Variants in JAK2 observed in about 807,000 individuals in gnomAD.
The protein encoded by JAK2 is tyrosine-protein kinase JAK2.
Under a neutral mutation model 139.3 loss-of-function variants are expected in JAK2, and 86 were observed. The observed-to-expected ratio is 0.62, with a 90% CI of 0.52 to 0.74. The LOEUF is 0.74. Among genes scored for constraint, JAK2 ranks in the 30% least tolerant of loss-of-function variants. The pLI is 0.00. For missense variants in JAK2, 1,421 were observed against 1,360.3 expected (o/e 1.04, Z -0.70); for synonymous variants, 490 against 437.7 (o/e 1.12, Z -1.49).
Position 5,090,432 on chromosome 9 carries a change from CTTT to C in JAK2, c.2762-13_2762-11del. On this transcript the variant is annotated splice_polypyrimidine_tract_variant and intron_variant, in intron 20 of 24. Coordinates refer to ENST00000381652, the MANE Select transcript of JAK2 (RefSeq NM_004972.4). The stretch of plus-strand genomic sequence containing the variant: ...TGGCAGAGTAAAACATTATTTCCAC[CTTT>C]ATGTTAAAAGGTCGGCGTAATCTAA... The C allele has an allele frequency of 1.3e-6, 2 of 1,513,038 alleles. No homozygotes were observed. The highest frequency in any genetic ancestry group is 1.8e-6 in the Non-Finnish European group (2 of 1,122,954). The allele number at this position is 1,513,038 out of a possible 1,614,324, so 93.7% of individuals were successfully genotyped here. A position where few individuals can be genotyped will look rare whatever the true frequency, so the allele number is the denominator to read the frequency against.
At chr9:5,106,079 A>C (rs1020077376) in intron 22 of JAK2, among the ~76,000 whole-genome samples, 1 of 152,338 alleles carries the variant, frequency 6.6e-6, no homozygotes, top group African/African-American at 2.4e-5. Flanking sequence ...TAATTCAACT[A>C]AACAGCTGCA....
In JAK2 at chr9:5,127,250, A is replaced by AT. The variant is rs1232332510; in HGVS notation, c.*464dup. On this transcript the variant is annotated 3_prime_UTR_variant, in exon 25 of 25. Coordinates refer to ENST00000381652, the MANE Select transcript of JAK2 (RefSeq NM_004972.4). ...TGGTGTTCATTAATACTGTTTTCTA[A>AT]TTTTTCCATAGTTAATCTATAATTA... 3 of 232,320 alleles carry AT rather than the reference A, an allele frequency of 1.3e-5. No individual in the cohort carries two copies. The highest frequency in any genetic ancestry group is 6.6e-5 in the African/African-American group (3 of 45,250). 14.4% of individuals were successfully genotyped at this position (232,320 alleles called of 1,614,324 possible). A position where few individuals can be genotyped will look rare whatever the true frequency, so the allele number is the denominator to read the frequency against.
chr9:5,025,786 C>T (rs1328092158), intron 3 of JAK2, among the ~76,000 whole-genome samples: 1 of 152,082 alleles, frequency 6.6e-6, no homozygotes, highest in Non-Finnish European at 1.5e-5. Context: ...CCTGCCTCGG[C>T]CTCTCAAAGT....
chr9:5,068,903 G>A (rs904594164), intron 10 of JAK2, 119 bp from the exon 11 acceptor site: 4 of 601,072 alleles, frequency 6.7e-6, no homozygotes, highest in Admixed American at 3.1e-5. Flanking sequence ...GCACTACATC[G>A]GATTCATGGT....
At chr9:5,099,785 T>C (rs955553567) in intron 22 of JAK2, 1 of 152,236 alleles carries the variant, frequency 6.6e-6, no homozygotes, top group Non-Finnish European at 1.5e-5. Flanking sequence ...TCCCTAATTA[T>C]CTTCACTGCC....
At chr9:5,009,706 T>G (rs900342322) in intron 2 of JAK2, among the ~76,000 whole-genome samples, 3 of 152,192 alleles carry the variant, frequency 2.0e-5, no homozygotes, top group African/African-American at 7.2e-5. Context: ...ATGCTTTTTA[T>G]GTGTGTGCAG....
rs1348456242 is a variant in JAK2, at chr9:5,080,678, C to T, written c.2429C>T (p.Thr810Ile). 1.9e-6 allele frequency: 3 copies of T among 1,570,850 alleles called. No homozygotes were observed. The highest frequency in any genetic ancestry group is 1.2e-5 in the South Asian group (1 of 81,262). ...ATACGAGATCTTAACAGTTTGTTTACTCCAGGTATGTATTTGAATGATCTT... is the reference window on the plus strand; with the variant it reads ...ATACGAGATCTTAACAGTTTGTTTATTCCAGGTATGTATTTGAATGATCTT... ...AIIRDLNSLF[T>I]PDYELLTEND... Residue 810 changes from threonine to isoleucine, a missense_variant, in exon 18 of 25, where the codon ACT becomes ATT. By Grantham distance (89) the Thr-to-Ile change is moderately conservative. Coordinates refer to ENST00000381652, the MANE Select transcript of JAK2 (RefSeq NM_004972.4).
chr9:5,072,239 C>T (rs1394609971), intron 12 of JAK2, among the ~76,000 whole-genome samples: 1 of 152,092 alleles, frequency 6.6e-6, no homozygotes, highest in Non-Finnish European at 1.5e-5. Flanking sequence ...ACAATTATAG[C>T]CCATTCAGGA....
At chr9:5,024,959 A>C (rs1458707283) in intron 3 of JAK2, among the ~76,000 whole-genome samples, 1 of 152,186 alleles carries the variant, frequency 6.6e-6, no homozygotes, top group Non-Finnish European at 1.5e-5. Flanking sequence ...GGGGGAGTGG[A>C]GCCGGGGCTG....
At chr9:5,083,657 T>C (rs1819872197) in intron 19 of JAK2, among the ~76,000 whole-genome samples, 1 of 152,108 alleles carries the variant, frequency 6.6e-6, no homozygotes, top group Admixed American at 6.5e-5. Context: ...TTGTCATATA[T>C]TGTCAAAACA....
At chr9:5,073,553 A>G (rs2130553715) in intron 13 of JAK2, 145 bp from the exon 14 acceptor site, 2 of 651,366 alleles carry the variant, frequency 3.1e-6, no homozygotes, top group East Asian at 5.3e-5. Context: ...AGGTCCATAT[A>G]AAGGGACCAA....
intron 12 of JAK2, among the ~76,000 whole-genome samples, chr9:5,070,944 A>C (rs1451770025): frequency 1.3e-5 from 2 of 152,166 alleles, no homozygotes; most frequent in South Asian, 4.1e-4. Flanking sequence ...AAACCAGGAC[A>C]CTTAAGTAAA....
chr9:5,077,493 T>C lies in JAK2; in HGVS notation c.1905T>C (p.Asp635=), dbSNP rs200327782. 2.2e-6 allele frequency: 3 copies of C among 1,393,852 alleles called. No individual in the cohort carries two copies. In the Admixed American group the frequency reaches 6.9e-5, roughly 32 times the overall value. The allele number at this position is 1,393,852 out of a possible 1,614,324, so 86.3% of individuals were successfully genotyped here. A position where few individuals can be genotyped will look rare whatever the true frequency, so the allele number is the denominator to read the frequency against. Residue 635 remains aspartate (D), a synonymous_variant, in exon 15 of 25, where the codon GAT becomes GAC. Coordinates refer to ENST00000381652, the MANE Select transcript of JAK2 (RefSeq NM_004972.4). ...VQEFVKFGSL[D]TYLKKNKNCI... ...AGTTTGTAAAATTTGGATCACTAGA[T>C]ACATATCTGAAAAAGAATAAAAATT...
chr9:5,054,959 A>G lies in JAK2; in HGVS notation c.936+75A>G, dbSNP rs1817662039. ...AAATAAAAACAAAGTAATTTTAATC[A>G]TTTGCAACATGGTATTGCACTTCTC... On this transcript the variant is annotated intron_variant, in intron 7 of 24. Transcript: ENST00000381652. This position sits in a 1 kb window ranked among gnomAD's most constrained non-coding sequence, Gnocchi z 4.9. 9.0e-7 allele frequency: 1 copy of G among 1,109,172 alleles called. No individual in the cohort carries two copies. Among genetic ancestry groups the G allele is most frequent in the African/African-American group, 1.6e-5 (1 of 62,838 alleles). The allele number at this position is 1,109,172 out of a possible 1,614,324, so 68.7% of individuals were successfully genotyped here. A position where few individuals can be genotyped will look rare whatever the true frequency, so the allele number is the denominator to read the frequency against.
At chr9:4,992,237 T>C (rs1820297607) in intron 2 of JAK2, among the ~76,000 whole-genome samples, 3 of 152,312 alleles carry the variant, frequency 2.0e-5, no homozygotes, top group Middle Eastern at 3.4e-3. Flanking sequence ...ACATGTGGCC[T>C]GGATTTCCTC....
intron 5 of JAK2, among the ~76,000 whole-genome samples, chr9:5,047,437 T>C (rs1207566873): frequency 6.6e-6 from 1 of 152,216 alleles, no homozygotes; most frequent in Admixed American, 6.5e-5. Context: ...CTTTATATCA[T>C]CAAATATGGC....
chr9:5,111,936 T>C, intron 22 of JAK2: 1 of 346,080 alleles, frequency 2.9e-6, no homozygotes, highest in Non-Finnish European at 5.7e-6. Flanking sequence ...TCCGGATCAC[T>C]CAAGCAATAA....
At chr9:5,011,538 GC>G (rs1821701010) in intron 2 of JAK2, among the ~76,000 whole-genome samples, 2 of 152,096 alleles carry the variant, frequency 1.3e-5, no homozygotes, top group Admixed American at 6.5e-5. Context: ...TTATCTTCAT[GC>G]ATTATATTAA....
chr9:5,082,056 A>T (rs1193783316), intron 19 of JAK2, among the ~76,000 whole-genome samples, 195 bp downstream of exon 19: 6 of 152,246 alleles, frequency 3.9e-5, no homozygotes, highest in Non-Finnish European at 8.8e-5. Flanking sequence ...CAGCCCCTCC[A>T]CACCTGTGGG....
Sources: gnomAD v4.1 joint callset for allele counts (sites outside exome capture counted in the v4.1 genomes callset) on GRCh38, gnomAD v4.1.1 for gene constraint, Gnocchi (gnomAD v3.1) non-coding constraint, MANE v1.5 for transcripts, NCBI Gene and HGNC (gene_info 2026-07-23, HGNC 2026-07-21) for gene names.